Variants in LYRM2 observed in about 807,000 individuals in gnomAD.
The protein encoded by LYRM2 is LYR motif containing 2.
LYRM2 carries 8 observed loss-of-function variants against 11.6 expected under a neutral mutation model. The ratio of observed to expected loss-of-function variants is 0.69; its 90% CI spans 0.40 to 1.24. The LOEUF (loss-of-function observed/expected upper bound fraction) is 1.24. LYRM2 is among the 50% of genes most tolerant of loss of function. The probability of loss-of-function intolerance (pLI) is 0.01; values close to 1 mark genes in which losing one functional copy is unlikely to be tolerated. For synonymous variants in LYRM2, 30 were observed against 36.4 expected (o/e 0.83, Z 0.63); for missense variants, 117 against 102.9 (o/e 1.14, Z -0.59).
Position 89,633,022 on chromosome 6 carries a change from A to T in LYRM2, c.*4251T>A, listed in dbSNP as rs1312994034. ...ACTAAATTTTAAGTATCAAGTCTAGACCATAGAGTGCTTTGGTGGGAGTAT... is the reference window on the plus strand; with the variant it reads ...ACTAAATTTTAAGTATCAAGTCTAGTCCATAGAGTGCTTTGGTGGGAGTAT... On this transcript the variant is annotated 3_prime_UTR_variant, in exon 3 of 3. Transcript: ENST00000523377. 6.6e-6 allele frequency: 1 copy of T among 152,218 alleles called. No individual in the cohort carries two copies. The highest frequency in any genetic ancestry group is 1.5e-5 in the Non-Finnish European group (1 of 68,038). 9.4% of individuals were successfully genotyped at this position (152,218 alleles called of 1,614,324 possible).
At chr6:89,638,439 G>A in intron 1 of LYRM2, 2 of 1,440,748 alleles carry the variant, frequency 1.4e-6, no homozygotes, top group Non-Finnish European at 1.8e-6. Flanking sequence ...CGGGACTCAG[G>A]GAAATCAAGC....
At chr6:89,637,624 A>C in intron 2 of LYRM2, 118 bp downstream of exon 2, 1 of 927,576 alleles carries the variant, frequency 1.1e-6, no homozygotes, top group Non-Finnish European at 1.6e-6. Context: ...ACAAGCAATG[A>C]TCAAGATATA....
chr6:89,637,085 A>G lies in LYRM2; in HGVS notation c.*188T>C, dbSNP rs1202407601. The G allele has an allele frequency of 4.1e-6, 2 of 486,018 alleles. No individual in the cohort carries two copies. Among genetic ancestry groups the G allele is most frequent in the East Asian group, 6.8e-5 (2 of 29,306 alleles). 30.1% of individuals were successfully genotyped at this position (486,018 alleles called of 1,614,324 possible). A position where few individuals can be genotyped will look rare whatever the true frequency, so the allele number is the denominator to read the frequency against. On this transcript the variant is annotated 3_prime_UTR_variant, in exon 3 of 3. Transcript: ENST00000523377. ...TTTAAGAACTGCTGAGACATCCATA[A>G]ACATTTTCAAAATGCAGGGTATGTT...
rs1325234735 is a variant in LYRM2, at chr6:89,637,044, G to C, written c.*229C>G. The C allele has an allele frequency of 2.5e-6, 1 of 401,786 alleles. No individual in the cohort carries two copies. Among genetic ancestry groups the C allele is most frequent in the Non-Finnish European group, 4.5e-6 (1 of 223,750 alleles). 24.9% of individuals were successfully genotyped at this position (401,786 alleles called of 1,614,324 possible). On this transcript the variant is annotated 3_prime_UTR_variant, in exon 3 of 3. Transcript: ENST00000523377. ...TCCAGCATCTACTGGCCATTTGTTA[G>C]TGGTTTTTTTCTTCTTTTAAGAACT...
chr6:89,637,864 C>T lies in LYRM2; in HGVS notation c.64G>A (p.Val22Ile). ...TLKQFVRRQQ[V>I]LLLYRRILQT... ...AAAATCCTTCTGTAGAGGAGAAGAA[C>T]TTGTTGCCTTCTTACGAACTGTAAA... is the stretch of plus-strand genomic sequence containing the variant. The change falls in exon 2 of 3, where the codon GTT becomes ATT. Residue 22 changes from valine (V) to isoleucine (I), a missense_variant. Physicochemically the swap from Val to Ile is conservative, Grantham distance 29. Coordinates refer to ENST00000523377, the MANE Select transcript of LYRM2 (RefSeq NM_020466.5). The T allele has an allele frequency of 1.9e-6, 3 of 1,613,914 alleles. No homozygotes were observed. The highest frequency in any genetic ancestry group is 2.5e-6 in the Non-Finnish European group (3 of 1,179,896).
Position 89,634,752 on chromosome 6 carries a change from T to C in LYRM2, c.*2521A>G, listed in dbSNP as rs1488750699. 2.0e-5 allele frequency: 3 copies of C among 152,216 alleles called. No individual in the cohort carries two copies. Among genetic ancestry groups the C allele is most frequent in the East Asian group, 1.9e-4 (1 of 5,202 alleles). The allele number at this position is 152,216 out of a possible 1,614,324, so 9.4% of individuals were successfully genotyped here. On this transcript the variant is annotated 3_prime_UTR_variant, in exon 3 of 3. Transcript: ENST00000523377. ...TTTCTTGCAGGCACATCTATGGCAA[T>C]GCTTGTACCATGAATTTAAAACTTC...
chr6:89,638,339 C>A, intron 1 of LYRM2: 1 of 1,225,552 alleles, frequency 8.2e-7, no homozygotes, highest in African/African-American at 1.5e-5. Context: ...TCTAAATTAA[C>A]AGTTGTTCAA....
Position 89,635,240 on chromosome 6 carries a change from A to G in LYRM2, c.*2033T>C, listed in dbSNP as rs780152134. 6.6e-6 allele frequency: 1 copy of G among 152,224 alleles called. No homozygotes were observed. The highest frequency in any genetic ancestry group is 1.5e-5 in the Non-Finnish European group (1 of 68,038). The allele number at this position is 152,224 out of a possible 1,614,324, so 9.4% of individuals were successfully genotyped here. A position where few individuals can be genotyped will look rare whatever the true frequency, so the allele number is the denominator to read the frequency against. On this transcript the variant is annotated 3_prime_UTR_variant, in exon 3 of 3. Coordinates refer to ENST00000523377, the MANE Select transcript of LYRM2 (RefSeq NM_020466.5). Reference sequence around the variant, plus strand: ...TTTTGAGTTTCAAGATTTTAGATTTACTAGAGATAGCATGTATCTATCAAT... The same window carrying G: ...TTTTGAGTTTCAAGATTTTAGATTTGCTAGAGATAGCATGTATCTATCAAT...
At position 89,634,578 on chromosome 6, in the gene LYRM2, G is replaced by C. The variant is rs1408662276; in HGVS notation, c.*2695C>G. On this transcript the variant is annotated 3_prime_UTR_variant, in exon 3 of 3. Coordinates refer to ENST00000523377, the MANE Select transcript of LYRM2 (RefSeq NM_020466.5). Reference sequence around the variant, plus strand: ...TAAAAAAAATTAGCCGGTCATGGTGGCACATGCCTGTGGTCCCAGCTAAAT... The same window carrying C: ...TAAAAAAAATTAGCCGGTCATGGTGCCACATGCCTGTGGTCCCAGCTAAAT... The C allele has an allele frequency of 6.6e-6, 1 of 151,998 alleles. No homozygotes were observed. The highest frequency in any genetic ancestry group is 2.4e-5 in the African/African-American group (1 of 41,388). The allele number at this position is 151,998 out of a possible 1,614,324, so 9.4% of individuals were successfully genotyped here. A position where few individuals can be genotyped will look rare whatever the true frequency, so the allele number is the denominator to read the frequency against.
At chr6:89,638,549 A>C in intron 1 of LYRM2, 123 bp downstream of exon 1, 1 of 1,586,110 alleles carries the variant, frequency 6.3e-7, no homozygotes, top group Non-Finnish European at 8.6e-7. Flanking sequence ...GCATCGGGCC[A>C]ATCTCAGAGG....
At position 89,637,115 on chromosome 6, in the gene LYRM2, A is replaced by T; in HGVS notation, c.*158T>A. The T allele has an allele frequency of 2.0e-6, 1 of 498,464 alleles. No individual in the cohort carries two copies. The highest frequency in any genetic ancestry group is 3.3e-5 in the East Asian group (1 of 30,418). 30.9% of individuals were successfully genotyped at this position (498,464 alleles called of 1,614,324 possible). ...TTTCAAAATGCAGGGTATGTTTTTC[A>T]GTGTTAAGGCAACTGTTCTGATGTG... On this transcript the variant is annotated 3_prime_UTR_variant, in exon 3 of 3. Transcript: ENST00000523377.
chr6:89,637,228 C>T lies in LYRM2; in HGVS notation c.*45G>A. The T allele has an allele frequency of 1.1e-6, 1 of 931,042 alleles. No homozygotes were observed. Among genetic ancestry groups the T allele is most frequent in the Admixed American group, 1.9e-5 (1 of 51,502 alleles). The allele number at this position is 931,042 out of a possible 1,614,324, so 57.7% of individuals were successfully genotyped here. ...TGTCCATTGTTAATCCTAAATGCAACAAAACACATGGAGACTTTGAAAATC... is the reference window on the plus strand; with the variant it reads ...TGTCCATTGTTAATCCTAAATGCAATAAAACACATGGAGACTTTGAAAATC... On this transcript the variant is annotated 3_prime_UTR_variant, in exon 3 of 3. Transcript: ENST00000523377.
chr6:89,637,897 A>G lies in LYRM2; in HGVS notation c.46-15T>C. 2 of 1,610,662 alleles carry G rather than the reference A, an allele frequency of 1.2e-6. No homozygotes were observed. The highest frequency in any genetic ancestry group is 4.5e-5 in the East Asian group (2 of 44,782). The stretch of plus-strand genomic sequence containing the variant: ...CTTCTTACGAACTGTAAAAGGGAGG[A>G]GTAAATAGCAATTACTACTGCACAA... On this transcript the variant is annotated splice_polypyrimidine_tract_variant and intron_variant, in intron 1 of 2. Transcript: ENST00000523377.
Position 89,635,332 on chromosome 6 carries a change from C to G in LYRM2, c.*1941G>C, listed in dbSNP as rs1040334975. Reference sequence around the variant, plus strand: ...AAACGTCACAAATGCTTCTGTTTGTCAGATCATTTTGCAACAGGTTAACTA... The same window carrying G: ...AAACGTCACAAATGCTTCTGTTTGTGAGATCATTTTGCAACAGGTTAACTA... On this transcript the variant is annotated 3_prime_UTR_variant, in exon 3 of 3. Coordinates refer to ENST00000523377, the MANE Select transcript of LYRM2 (RefSeq NM_020466.5). 5 of 152,184 alleles carry G rather than the reference C, an allele frequency of 3.3e-5. No homozygotes were observed. Among genetic ancestry groups the G allele is most frequent in the Non-Finnish European group, 5.9e-5 (4 of 68,022 alleles). The allele number at this position is 152,184 out of a possible 1,614,324, so 9.4% of individuals were successfully genotyped here.
intron 1 of LYRM2, 99 bp downstream of exon 1, chr6:89,638,573 A>C (rs1469269835): frequency 1.9e-6 from 3 of 1,602,240 alleles, no homozygotes; most frequent in South Asian, 2.2e-5. Context: ...CGCACGCCGC[A>C]TCAGGACCCC....
At position 89,636,461 on chromosome 6, in the gene LYRM2, C is replaced by A; in HGVS notation, c.*812G>T. The A allele has an allele frequency of 6.6e-6, 1 of 152,112 alleles. No individual in the cohort carries two copies. The highest frequency in any genetic ancestry group is 1.9e-4 in the East Asian group (1 of 5,190). 9.4% of individuals were successfully genotyped at this position (152,112 alleles called of 1,614,324 possible). On this transcript the variant is annotated 3_prime_UTR_variant, in exon 3 of 3. Coordinates refer to ENST00000523377, the MANE Select transcript of LYRM2 (RefSeq NM_020466.5). ...ATAAGTCCTTCGTTTCTTTTTAGTG[C>A]CAAATAATGGCTATGGGCATGGGGT...
chr6:89,635,130 GCT>G lies in LYRM2; in HGVS notation c.*2141_*2142del, dbSNP rs1807959985. ...AATCTTGCAAATGCAAACCACATACGCTCTTTAATGAAAACCTTTCCATGCAC... is the reference window on the plus strand; with the variant it reads ...AATCTTGCAAATGCAAACCACATACGCTTTAATGAAAACCTTTCCATGCAC... On this transcript the variant is annotated 3_prime_UTR_variant, in exon 3 of 3. Transcript: ENST00000523377. 6.6e-6 allele frequency: 1 copy of G among 152,246 alleles called. No individual in the cohort carries two copies. Among genetic ancestry groups the G allele is most frequent in the Admixed American group, 6.5e-5 (1 of 15,296 alleles). 9.4% of individuals were successfully genotyped at this position (152,246 alleles called of 1,614,324 possible).
intron 1 of LYRM2, among the ~76,000 whole-genome samples, 178 bp from the exon 2 acceptor site, chr6:89,638,060 C>A (rs1201750898): frequency 1.3e-5 from 2 of 151,982 alleles, no homozygotes; most frequent in African/African-American, 4.8e-5. Context: ...CCTGTAATCC[C>A]AGCACTTTGG....
intron 2 of LYRM2, 145 bp downstream of exon 2, chr6:89,637,597 T>C: frequency 1.3e-6 from 1 of 753,486 alleles, no homozygotes; most frequent in Non-Finnish European, 2.1e-6. Context: ...AAATAATAAT[T>C]TAAAATCGGT....
Sources: gnomAD v4.1 joint callset for allele counts (sites outside exome capture counted in the v4.1 genomes callset) on GRCh38, gnomAD v4.1.1 for gene constraint, MANE v1.5 for transcripts, NCBI Gene and HGNC (gene_info 2026-07-23, HGNC 2026-07-21) for gene names.